Variants in AVEN observed in about 807,000 individuals in gnomAD.
AVEN encodes apoptosis and caspase activation inhibitor.
A neutral mutation model predicts 38.1 loss-of-function variants in AVEN; 41 were observed. The ratio of observed to expected loss-of-function variants is 1.08; its 90% CI spans 0.84 to 1.40. AVEN has a LOEUF of 1.40. Among genes scored for constraint, AVEN ranks in the 40% most tolerant of loss-of-function variants. The pLI is 0.00. For synonymous variants in AVEN, 206 were observed against 171.8 expected (o/e 1.20, Z -1.56); for missense variants, 605 against 438.8 (o/e 1.38, Z -3.38).
intron 2 of AVEN, among the ~76,000 whole-genome samples, chr15:33,945,945 G>T (rs2153054913): frequency 6.6e-6 from 1 of 152,220 alleles, no homozygotes; most frequent in African/African-American, 2.4e-5. Context: ...ATAATAAAAA[G>T]AACTCCTGAT....
At chr15:33,961,257 T>C (rs1478924478) in intron 2 of AVEN, among the ~76,000 whole-genome samples, 1 of 152,104 alleles carries the variant, frequency 6.6e-6, no homozygotes, top group Non-Finnish European at 1.5e-5. Flanking sequence ...TGCCTCAGCC[T>C]CCTAAATCTC....
At chr15:33,873,575 C>T (rs570643908) in intron 3 of AVEN, among the ~76,000 whole-genome samples, 2 of 147,308 alleles carry the variant, frequency 1.4e-5, no homozygotes, top group African/African-American at 2.5e-5. Flanking sequence ...TTATATATTA[C>T]ATATAATTAT....
intron 11 of AVEN, chr15:33,861,203 T>G (rs777092848): frequency 2.6e-6 from 4 of 1,517,802 alleles, no homozygotes; most frequent in Non-Finnish European, 3.6e-6. Flanking sequence ...TTAACAAAAG[T>G]AATGGCAGCT....
downstream of AVEN, among the ~76,000 whole-genome samples, chr15:33,857,445 CTCTTTGAAG>C (rs2079808703): frequency 6.6e-6 from 1 of 152,054 alleles, no homozygotes; most frequent in Admixed American, 6.5e-5. Flanking sequence ...ACTTACTCAC[CTCTTTGAAG>C]GCTGTATCTC....
chr15:33,874,438 A>T (rs574083672), intron 3 of AVEN, among the ~76,000 whole-genome samples: 1 of 152,022 alleles, frequency 6.6e-6, no homozygotes, highest in South Asian at 2.1e-4. Context: ...TACCATTTTC[A>T]TGTTGTTTCC....
chr15:34,034,488 A>G (rs1899026135), intron 1 of AVEN, among the ~76,000 whole-genome samples: 1 of 151,992 alleles, frequency 6.6e-6, no homozygotes, highest in African/African-American at 2.4e-5. Context: ...ATTTATAAAA[A>G]TTGTGTTTTT....
intron 2 of AVEN, among the ~76,000 whole-genome samples, chr15:33,930,251 T>C (rs1402477783): frequency 2.0e-5 from 3 of 152,170 alleles, no homozygotes; most frequent in Non-Finnish European, 4.4e-5. Flanking sequence ...GATTTTATTA[T>C]GGACCTGATT....
chr15:34,056,144 G>C (rs994190558), intron 5 of AVEN, among the ~76,000 whole-genome samples: 1 of 152,202 alleles, frequency 6.6e-6, no homozygotes, highest in African/African-American at 2.4e-5. Flanking sequence ...GTTAAGAATA[G>C]AAGAAAGTTG....
chr15:33,866,715 T>C lies in AVEN; in HGVS notation c.987A>G (p.Pro329=). Residue 329 remains proline, a synonymous_variant, in exon 6 of 6, where the codon CCA becomes CCG. Coordinates refer to ENST00000306730, the MANE Select transcript of AVEN (RefSeq NM_020371.3). Reference sequence around the variant, plus strand: ...CCATGTTTTTTTCTTCAGTCACAGATGGTTTTGCACAAACTGGGGGAAAAA... The same window carrying C: ...CCATGTTTTTTTCTTCAGTCACAGACGGTTTTGCACAAACTGGGGGAAAAA... ...VVQEEEVCAK[P]SVTEEKNMEP... is the part of the protein sequence containing the mutation. 4 of 1,613,664 alleles carry C rather than the reference T, an allele frequency of 2.5e-6. No individual in the cohort carries two copies. The highest frequency in any genetic ancestry group is 3.4e-6 in the Non-Finnish European group (4 of 1,179,580).
chr15:34,018,687 T>A (rs1247883167), intron 1 of AVEN, among the ~76,000 whole-genome samples: 2 of 152,234 alleles, frequency 1.3e-5, no homozygotes, highest in Non-Finnish European at 2.9e-5. Flanking sequence ...AGTGGGTTGC[T>A]GCTGCTGGCT....
intron 2 of AVEN, chr15:34,067,120 G>A (rs1479367820): frequency 6.6e-6 from 1 of 152,186 alleles, no homozygotes; most frequent in Non-Finnish European, 1.5e-5. Flanking sequence ...ACTTTGGCTA[G>A]TTACCTACTG....
Position 33,867,475 on chromosome 15 carries a change from G to T in AVEN, c.973+20C>A. 1.3e-6 allele frequency: 2 copies of T among 1,545,432 alleles called. No individual in the cohort carries two copies. Among genetic ancestry groups the T allele is most frequent in the Admixed American group, 4.1e-5 (2 of 48,524 alleles). The stretch of plus-strand genomic sequence containing the variant: ...AAACACCAGAATCAAGATTCACGGG[G>T]AATAAAATGAAAGCCATACCTTCTT... On this transcript the variant is annotated intron_variant, in intron 5 of 5. Transcript: ENST00000306730.
downstream of AVEN, chr15:33,866,141 T>TTGATTC: frequency 5.9e-6 from 1 of 168,428 alleles, no homozygotes; most frequent in Non-Finnish European, 1.3e-5. Context: ...CCACTTCTGG[T>TTGATTC]TGATTCTACA....
intron 5 of AVEN, chr15:34,062,812 C>A (rs747729875): frequency 6.2e-7 from 1 of 1,614,224 alleles, no homozygotes; most frequent in Non-Finnish European, 8.5e-7. Flanking sequence ...GAAGTCATCA[C>A]CATTGCAGCT....
intron 2 of AVEN, among the ~76,000 whole-genome samples, chr15:33,920,896 C>G (rs1006838998): frequency 6.6e-6 from 1 of 152,070 alleles, no homozygotes; most frequent in African/African-American, 2.4e-5. Flanking sequence ...CTGCCTCAGC[C>G]CCCCAAGCAG....
chr15:33,987,748 A>G (rs927831142), intron 2 of AVEN, among the ~76,000 whole-genome samples: 2 of 152,132 alleles, frequency 1.3e-5, no homozygotes, highest in African/African-American at 2.4e-5. Context: ...GAAGGCAGGA[A>G]CCACTTCTGC....
chr15:33,896,912 A>G (rs952322921), intron 2 of AVEN, among the ~76,000 whole-genome samples: 1 of 152,210 alleles, frequency 6.6e-6, no homozygotes, highest in Admixed American at 6.5e-5. Context: ...CACCCTATTC[A>G]TTAATCCATC....
At chr15:33,857,700 G>A (rs2079839897), downstream of AVEN, 13 of 1,557,428 alleles carry the variant, frequency 8.3e-6, no homozygotes, top group Admixed American at 1.8e-5. Flanking sequence ...CTTCCTCCTC[G>A]TTTTCTTAGA....
intron 2 of AVEN, among the ~76,000 whole-genome samples, chr15:33,937,411 T>G (rs1428505269): frequency 6.6e-6 from 1 of 151,126 alleles, no homozygotes; most frequent in Non-Finnish European, 1.5e-5. Flanking sequence ...CAGGCGCCTG[T>G]AGGCCCAGCT....
Sources: allele counts gnomAD v4.1 joint callset (sites outside exome capture counted in the v4.1 genomes callset), GRCh38; gene constraint gnomAD v4.1.1; transcripts MANE v1.5; gene names NCBI Gene and HGNC (gene_info 2026-07-23, HGNC 2026-07-21).